HNRNPA0: variants seen among roughly 807,000 people sequenced by gnomAD.
HNRNPA0 encodes the protein heterogeneous nuclear ribonucleoprotein A0.
For synonymous variants in HNRNPA0, 243 were observed against 195.5 expected (o/e 1.24, Z -2.03); for missense variants, 252 against 433.7 (o/e 0.58, Z 3.72).
Position 137,754,121 on chromosome 5 carries a change from C to A in HNRNPA0, c.-55G>T. 6.5e-7 allele frequency: 1 copy of A among 1,540,604 alleles called. No homozygotes were observed. Among genetic ancestry groups the A allele is most frequent in the South Asian group, 1.2e-5 (1 of 81,042 alleles). On this transcript the variant is annotated 5_prime_UTR_variant, in exon 1 of 1. Transcript: ENST00000314940. ...GCGAGCTCCGAGGTTTCGCCGTCGCCGCCGTTATCGTTGGTTAAGGCCTCT... is the reference window on the plus strand; with the variant it reads ...GCGAGCTCCGAGGTTTCGCCGTCGCAGCCGTTATCGTTGGTTAAGGCCTCT...
rs890975990 is a variant in HNRNPA0 at position 137,754,314 on chromosome 5, ACCG to A, written c.-251_-249del. 1.1e-4 allele frequency: 53 copies of A among 495,000 alleles called. No individual in the cohort carries two copies. Among genetic ancestry groups the A allele is most frequent in the South Asian group, 2.3e-4 (7 of 30,956 alleles). 30.7% of individuals were successfully genotyped at this position (495,000 alleles called of 1,614,324 possible). A position where few individuals can be genotyped will look rare whatever the true frequency, so the allele number is the denominator to read the frequency against. On this transcript the variant is annotated 5_prime_UTR_variant, in exon 1 of 1. Coordinates refer to ENST00000314940, the MANE Select transcript of HNRNPA0 (RefSeq NM_006805.4). ...CTGGAAGACAACCAAGGCCACCGCT[ACCG>A]CCGCCGCCGCCACCTCCGCTCCCCT...
chr5:137,753,060 G>A lies in HNRNPA0; in HGVS notation c.*89C>T. 7.2e-7 allele frequency: 1 copy of A among 1,387,896 alleles called. No individual in the cohort carries two copies. Among genetic ancestry groups the A allele is most frequent in the Admixed American group, 2.2e-5 (1 of 46,202 alleles). The allele number at this position is 1,387,896 out of a possible 1,614,324, so 86.0% of individuals were successfully genotyped here. On this transcript the variant is annotated 3_prime_UTR_variant, in exon 1 of 1. Coordinates refer to ENST00000314940, the MANE Select transcript of HNRNPA0 (RefSeq NM_006805.4). This position sits in a 1 kb window ranked among gnomAD's most constrained non-coding sequence, Gnocchi z 6.1. ...GGGCAAAACAGGGAAGGCGGTGTGT[G>A]TGAGGGGGTGGGGCTTAGGAGTTGA...
In HNRNPA0 at chr5:137,745,982, G is replaced by T. The variant is rs1177607476; in HGVS notation, c.*7167C>A. Reference sequence around the variant, plus strand: ...TAGGTACAGTGAACCACCTTTATTAGTGAACAGTGAGAATACCCCTAAATC... The same window carrying T: ...TAGGTACAGTGAACCACCTTTATTATTGAACAGTGAGAATACCCCTAAATC... On this transcript the variant is annotated 3_prime_UTR_variant, in exon 1 of 1. Transcript: ENST00000314940. 6.6e-6 allele frequency: 1 copy of T among 152,168 alleles called. No individual in the cohort carries two copies. The highest frequency in any genetic ancestry group is 1.5e-5 in the Non-Finnish European group (1 of 68,032). 9.4% of individuals were successfully genotyped at this position (152,168 alleles called of 1,614,324 possible).
At position 137,746,887 on chromosome 5, in the gene HNRNPA0, A is replaced by C. The variant is rs893305590; in HGVS notation, c.*6262T>G. The C allele has an allele frequency of 9.9e-5, 15 of 152,234 alleles. No individual in the cohort carries two copies. The highest frequency in any genetic ancestry group is 3.6e-4 in the African/African-American group (15 of 41,460). The allele number at this position is 152,234 out of a possible 1,614,324, so 9.4% of individuals were successfully genotyped here. A position where few individuals can be genotyped will look rare whatever the true frequency, so the allele number is the denominator to read the frequency against. Reference sequence around the variant, plus strand: ...GAATTTAGGGATAGTAACCTAGTGCAAATAGCTAGATCTTCACGTTTGGTG... The same window carrying C: ...GAATTTAGGGATAGTAACCTAGTGCCAATAGCTAGATCTTCACGTTTGGTG... On this transcript the variant is annotated 3_prime_UTR_variant, in exon 1 of 1. Coordinates refer to ENST00000314940, the MANE Select transcript of HNRNPA0 (RefSeq NM_006805.4).
At position 137,751,823 on chromosome 5, in the gene HNRNPA0, C is replaced by T. The variant is rs1450999292; in HGVS notation, c.*1326G>A. ...CATTAGTTGTCATAGCAATTTAGGGCTATTGCCCAAGCTATGCATAGCAGT... is the reference window on the plus strand; with the variant it reads ...CATTAGTTGTCATAGCAATTTAGGGTTATTGCCCAAGCTATGCATAGCAGT... On this transcript the variant is annotated 3_prime_UTR_variant, in exon 1 of 1. Transcript: ENST00000314940. 1 of 152,646 alleles carries T rather than the reference C, an allele frequency of 6.6e-6. No homozygotes were observed. Among genetic ancestry groups the T allele is most frequent in the African/African-American group, 2.4e-5 (1 of 41,450 alleles). 9.5% of individuals were successfully genotyped at this position (152,646 alleles called of 1,614,324 possible).
In HNRNPA0 at chr5:137,748,608, T is replaced by C. The variant is rs1342377282; in HGVS notation, c.*4541A>G. 1.3e-5 allele frequency: 2 copies of C among 152,168 alleles called. No individual in the cohort carries two copies. The highest frequency in any genetic ancestry group is 2.9e-5 in the Non-Finnish European group (2 of 68,012). The allele number at this position is 152,168 out of a possible 1,614,324, so 9.4% of individuals were successfully genotyped here. A position where few individuals can be genotyped will look rare whatever the true frequency, so the allele number is the denominator to read the frequency against. The stretch of plus-strand genomic sequence containing the variant: ...CCCAACAATCCTATGTAGCAGGTAT[T>C]ACCATAGCCTATTTTTTTACAAATA... On this transcript the variant is annotated 3_prime_UTR_variant, in exon 1 of 1. Transcript: ENST00000314940.
chr5:137,752,629 C>G lies in HNRNPA0; in HGVS notation c.*520G>C, dbSNP rs1580801784. 1 of 153,348 alleles carries G rather than the reference C, an allele frequency of 6.5e-6. No homozygotes were observed. Among genetic ancestry groups the G allele is most frequent in the South Asian group, 2.0e-4 (1 of 4,882 alleles). 9.5% of individuals were successfully genotyped at this position (153,348 alleles called of 1,614,324 possible). A position where few individuals can be genotyped will look rare whatever the true frequency, so the allele number is the denominator to read the frequency against. ...AATGTTAGACATGTACGGTCAAACACAATGATTTATTAAAAATAAAACGTA... is the reference window on the plus strand; with the variant it reads ...AATGTTAGACATGTACGGTCAAACAGAATGATTTATTAAAAATAAAACGTA... On this transcript the variant is annotated 3_prime_UTR_variant, in exon 1 of 1. Coordinates refer to ENST00000314940, the MANE Select transcript of HNRNPA0 (RefSeq NM_006805.4).
At position 137,747,571 on chromosome 5, in the gene HNRNPA0, C is replaced by A. The variant is rs1753428762; in HGVS notation, c.*5578G>T. 6.6e-6 allele frequency: 1 copy of A among 152,204 alleles called. No individual in the cohort carries two copies. The highest frequency in any genetic ancestry group is 2.4e-5 in the African/African-American group (1 of 41,458). 9.4% of individuals were successfully genotyped at this position (152,204 alleles called of 1,614,324 possible). ...CAAATATTTGTCAATTATGCTTTCA[C>A]AACTTACCTCAACTTCTTTGTCAGT... On this transcript the variant is annotated 3_prime_UTR_variant, in exon 1 of 1. Coordinates refer to ENST00000314940, the MANE Select transcript of HNRNPA0 (RefSeq NM_006805.4).
In HNRNPA0 at chr5:137,753,119, T is replaced by A; in HGVS notation, c.*30A>T. ...GGGCTGTTGGAAAGAGCTACCCCTA[T>A]AGCCACTCCCAGGCATTTTAAATTT... is the stretch of plus-strand genomic sequence containing the variant. On this transcript the variant is annotated 3_prime_UTR_variant, in exon 1 of 1. Coordinates refer to ENST00000314940, the MANE Select transcript of HNRNPA0 (RefSeq NM_006805.4). The surrounding 1 kb of genome is among the most constrained non-coding windows in gnomAD (Gnocchi z 6.1). 1 of 1,593,560 alleles carries A rather than the reference T, an allele frequency of 6.3e-7. No individual in the cohort carries two copies. Among genetic ancestry groups the A allele is most frequent in the Non-Finnish European group, 8.6e-7 (1 of 1,169,184 alleles).
chr5:137,754,338 C>T lies in HNRNPA0; in HGVS notation c.-272G>A. ...TACCGCCGCCGCCGCCACCTCCGCT[C>T]CCCTATCTGGGCACCACACAAAGAG... On this transcript the variant is annotated 5_prime_UTR_variant, in exon 1 of 1. Transcript: ENST00000314940. 1 of 490,772 alleles carries T rather than the reference C, an allele frequency of 2.0e-6. No homozygotes were observed. Among genetic ancestry groups the T allele is most frequent in the Non-Finnish European group, 3.8e-6 (1 of 266,638 alleles). The allele number at this position is 490,772 out of a possible 1,614,324, so 30.4% of individuals were successfully genotyped here. A position where few individuals can be genotyped will look rare whatever the true frequency, so the allele number is the denominator to read the frequency against.
At position 137,752,394 on chromosome 5, in the gene HNRNPA0, TAA is replaced by T. The variant is rs1204075087; in HGVS notation, c.*753_*754del. 1 of 152,084 alleles carries T rather than the reference TAA, an allele frequency of 6.6e-6. No individual in the cohort carries two copies. The highest frequency in any genetic ancestry group is 1.5e-5 in the Non-Finnish European group (1 of 68,022). 9.4% of individuals were successfully genotyped at this position (152,084 alleles called of 1,614,324 possible). A position where few individuals can be genotyped will look rare whatever the true frequency, so the allele number is the denominator to read the frequency against. On this transcript the variant is annotated 3_prime_UTR_variant, in exon 1 of 1. Coordinates refer to ENST00000314940, the MANE Select transcript of HNRNPA0 (RefSeq NM_006805.4). ...TACAAGAGATGGATGCACAGAAACT[TAA>T]GAGTTTAAAAAGCCACATCCACCAC...
Position 137,750,693 on chromosome 5 carries a change from A to G in HNRNPA0, c.*2456T>C, listed in dbSNP as rs1385035772. 6.6e-6 allele frequency: 1 copy of G among 152,180 alleles called. No individual in the cohort carries two copies. The highest frequency in any genetic ancestry group is 1.5e-5 in the Non-Finnish European group (1 of 68,010). 9.4% of individuals were successfully genotyped at this position (152,180 alleles called of 1,614,324 possible). A position where few individuals can be genotyped will look rare whatever the true frequency, so the allele number is the denominator to read the frequency against. On this transcript the variant is annotated 3_prime_UTR_variant, in exon 1 of 1. Transcript: ENST00000314940. ...AACCCAGAAGTGACTAAATACCACT[A>G]TGCTTTTTTCTTCACTACAAATAGC...
rs770404007 is a variant in HNRNPA0, at chr5:137,754,013, C to T, written c.54G>A (p.Thr18=). ...KLFIGGLNVQ[T]SESGLRGHFE... is the part of the protein sequence containing the mutation. ...AGTGGCCGCGCAGGCCCGACTCACT[C>T]GTCTGCACATTGAGGCCGCCGATGA... The change falls in exon 1 of 1, where the codon ACG becomes ACA. Residue 18 remains threonine (T), a synonymous_variant. Transcript: ENST00000314940. The T allele has an allele frequency of 1.9e-6, 3 of 1,614,078 alleles. No homozygotes were observed. The highest frequency in any genetic ancestry group is 3.3e-4 in the Middle Eastern group (2 of 6,062).
Position 137,752,783 on chromosome 5 carries a change from C to G in HNRNPA0, c.*366G>C, listed in dbSNP as rs1753525798. 1 of 161,868 alleles carries G rather than the reference C, an allele frequency of 6.2e-6. No homozygotes were observed. The highest frequency in any genetic ancestry group is 2.4e-5 in the African/African-American group (1 of 41,324). 10.0% of individuals were successfully genotyped at this position (161,868 alleles called of 1,614,324 possible). On this transcript the variant is annotated 3_prime_UTR_variant, in exon 1 of 1. Transcript: ENST00000314940. ...ACTACCCCCCACCCCAACCCCCACCCAGGTTTTGCTACAGAATCAGCAAGT... is the reference window on the plus strand; with the variant it reads ...ACTACCCCCCACCCCAACCCCCACCGAGGTTTTGCTACAGAATCAGCAAGT...
rs1305070528 is a variant in HNRNPA0, at chr5:137,751,765, T to C, written c.*1384A>G. The stretch of plus-strand genomic sequence containing the variant: ...ATACACAGATATTTTGCTTTACAAC[T>C]TGCACCTAAAATACCAGTATACGTA... On this transcript the variant is annotated 3_prime_UTR_variant, in exon 1 of 1. Coordinates refer to ENST00000314940, the MANE Select transcript of HNRNPA0 (RefSeq NM_006805.4). 1 of 152,620 alleles carries C rather than the reference T, an allele frequency of 6.6e-6. No homozygotes were observed. Among genetic ancestry groups the C allele is most frequent in the Non-Finnish European group, 1.5e-5 (1 of 68,024 alleles). 9.5% of individuals were successfully genotyped at this position (152,620 alleles called of 1,614,324 possible). A position where few individuals can be genotyped will look rare whatever the true frequency, so the allele number is the denominator to read the frequency against.
rs1455372322 is a variant in HNRNPA0, at chr5:137,750,211, G to C, written c.*2938C>G. 2 of 152,112 alleles carry C rather than the reference G, an allele frequency of 1.3e-5. No homozygotes were observed. Among genetic ancestry groups the C allele is most frequent in the South Asian group, 4.1e-4 (2 of 4,830 alleles). 9.4% of individuals were successfully genotyped at this position (152,112 alleles called of 1,614,324 possible). ...TTCAAAGGAAATGCTCATTGAAGCA[G>C]TTTGGATTTTACATTTTTGTATGAG... On this transcript the variant is annotated 3_prime_UTR_variant, in exon 1 of 1. Coordinates refer to ENST00000314940, the MANE Select transcript of HNRNPA0 (RefSeq NM_006805.4).
In HNRNPA0 at chr5:137,753,062, GA is replaced by G. The variant is rs1335528177; in HGVS notation, c.*86del. The G allele has an allele frequency of 3.6e-6, 5 of 1,396,418 alleles. No individual in the cohort carries two copies. Among genetic ancestry groups the G allele is most frequent in the Non-Finnish European group, 4.9e-6 (5 of 1,020,984 alleles). The allele number at this position is 1,396,418 out of a possible 1,614,324, so 86.5% of individuals were successfully genotyped here. A position where few individuals can be genotyped will look rare whatever the true frequency, so the allele number is the denominator to read the frequency against. ...GCAAAACAGGGAAGGCGGTGTGTGT[GA>G]GGGGGTGGGGCTTAGGAGTTGACCC... On this transcript the variant is annotated 3_prime_UTR_variant, in exon 1 of 1. Coordinates refer to ENST00000314940, the MANE Select transcript of HNRNPA0 (RefSeq NM_006805.4). This position sits in a 1 kb window ranked among gnomAD's most constrained non-coding sequence, Gnocchi z 6.1.
Position 137,746,985 on chromosome 5 carries a change from A to C in HNRNPA0, c.*6164T>G, listed in dbSNP as rs534097206. The C allele has an allele frequency of 1.1e-4, 16 of 152,318 alleles. No homozygotes were observed. The highest frequency in any genetic ancestry group is 3.4e-3 in the Middle Eastern group (1 of 294). The allele number at this position is 152,318 out of a possible 1,614,324, so 9.4% of individuals were successfully genotyped here. On this transcript the variant is annotated 3_prime_UTR_variant, in exon 1 of 1. Transcript: ENST00000314940. ...TTAATTTCACTGAAGAGATGACCAC[A>C]GTATATTCAGTTATTGAAGAGTTTT... is the stretch of plus-strand genomic sequence containing the variant.
At position 137,751,438 on chromosome 5, in the gene HNRNPA0, A is replaced by C. The variant is rs904112878; in HGVS notation, c.*1711T>G. On this transcript the variant is annotated 3_prime_UTR_variant, in exon 1 of 1. Coordinates refer to ENST00000314940, the MANE Select transcript of HNRNPA0 (RefSeq NM_006805.4). ...AGCCCAATCTTTCAGAAAGCTTCTT[A>C]GTATAGCTTTGAGCCTTCAACGTCA... 6.7e-6 allele frequency: 1 copy of C among 150,330 alleles called. No homozygotes were observed. Among genetic ancestry groups the C allele is most frequent in the Non-Finnish European group, 1.5e-5 (1 of 67,698 alleles). The allele number at this position is 150,330 out of a possible 1,614,324, so 9.3% of individuals were successfully genotyped here. A position where few individuals can be genotyped will look rare whatever the true frequency, so the allele number is the denominator to read the frequency against.
Sources: allele counts gnomAD v4.1 joint callset, GRCh38; gene constraint gnomAD v4.1.1; non-coding constraint Gnocchi (gnomAD v3.1); transcripts MANE v1.5; gene names NCBI Gene and HGNC (gene_info 2026-07-23, HGNC 2026-07-21).